NARS2: variants seen among roughly 807,000 people sequenced by gnomAD.
The protein encoded by NARS2 is asparaginyl-tRNA synthetase.
In NARS2, 60 loss-of-function variants were observed where a neutral mutation model predicts 62.9. The ratio of observed to expected loss-of-function variants is 0.95; its 90% CI spans 0.77 to 1.18. The LOEUF is 1.18. Ranked by LOEUF, NARS2 falls within the 50% of genes most tolerant of loss-of-function variation. NARS2 has a pLI of 0.00. For missense variants in NARS2, 619 were observed against 576.4 expected, an observed-to-expected ratio of 1.07 and a Z score of -0.76; for synonymous variants, 196 against 200.0, an observed-to-expected ratio of 0.98 and a Z score of 0.17.
intron 5 of NARS2, among the ~76,000 whole-genome samples, chr11:78,552,343 A>G (rs1224061135): frequency 1.3e-5 from 2 of 152,206 alleles, no homozygotes; most frequent in Non-Finnish European, 2.9e-5. Context: ...TTATGGCTGC[A>G]TAATATTCTA....
At chr11:78,552,630 C>T (rs958327513) in intron 5 of NARS2, among the ~76,000 whole-genome samples, 1 of 152,156 alleles carries the variant, frequency 6.6e-6, no homozygotes, top group East Asian at 1.9e-4. Context: ...TTTGGTGAGG[C>T]TAATCAGAAA....
At chr11:78,443,613 C>T (rs369615231) in intron 12 of NARS2, 48 bp downstream of exon 12, 5 of 1,403,424 alleles carry the variant, frequency 3.6e-6, no homozygotes, top group Non-Finnish European at 5.0e-6. Flanking sequence ...CCTTTGAGCG[C>T]CTTATGCTCA....
At chr11:78,556,156 C>T (rs1856345262) in intron 5 of NARS2, among the ~76,000 whole-genome samples, 1 of 152,018 alleles carries the variant, frequency 6.6e-6, no homozygotes, top group Admixed American at 6.6e-5. Context: ...ATTGTCTATG[C>T]CTCATTTTAA....
intron 6 of NARS2, among the ~76,000 whole-genome samples, chr11:78,497,811 C>A (rs1293565712): frequency 6.6e-6 from 1 of 152,072 alleles, no homozygotes; most frequent in Admixed American, 6.6e-5. Context: ...GCAGCCTTCA[C>A]CATTTCAACA....
chr11:78,544,041 C>A (rs1470088855), intron 5 of NARS2, among the ~76,000 whole-genome samples: 19 of 43,050 alleles, frequency 4.4e-4, no homozygotes, highest in African/African-American at 7.6e-4. Context: ...AAAAAAAAAA[C>A]TCTCTCTCAC....
chr11:78,478,054 A>T (rs906743999), intron 9 of NARS2, among the ~76,000 whole-genome samples: 1 of 152,154 alleles, frequency 6.6e-6, no homozygotes, highest in East Asian at 1.9e-4. Flanking sequence ...CTGTTCCTGA[A>T]TTCTTGTCTT....
chr11:78,529,408 T>C (rs1861403324), intron 5 of NARS2, among the ~76,000 whole-genome samples: 1 of 152,206 alleles, frequency 6.6e-6, no homozygotes, highest in Non-Finnish European at 1.5e-5. Flanking sequence ...AAACACATTA[T>C]GAACTTTCAA....
intron 5 of NARS2, among the ~76,000 whole-genome samples, chr11:78,537,711 T>TCC (rs2135451197): frequency 6.6e-6 from 1 of 152,260 alleles, no homozygotes; most frequent in African/African-American, 2.4e-5. Context: ...TGAGGAAGGA[T>TCC]TGCTTGAGCA....
chr11:78,462,379 A>C (rs528352938), intron 11 of NARS2, among the ~76,000 whole-genome samples: 1 of 152,368 alleles, frequency 6.6e-6, no homozygotes, highest in Non-Finnish European at 1.5e-5. Flanking sequence ...AAAAAAGAGA[A>C]TATAAGAATC....
At chr11:78,483,340 G>A (rs188428217) in intron 7 of NARS2, among the ~76,000 whole-genome samples, 1 of 152,286 alleles carries the variant, frequency 6.6e-6, no homozygotes, top group East Asian at 1.9e-4. Flanking sequence ...AGACAAGGAT[G>A]CCCTCTCTCA....
chr11:78,493,799 T>G (rs1859935525), intron 6 of NARS2, among the ~76,000 whole-genome samples: 2 of 152,224 alleles, frequency 1.3e-5, no homozygotes, highest in South Asian at 4.1e-4. Context: ...CTGGGTGCAC[T>G]CTACTGCAGC....
intron 6 of NARS2, among the ~76,000 whole-genome samples, chr11:78,497,476 C>T (rs1017872275): frequency 6.6e-6 from 1 of 152,126 alleles, no homozygotes; most frequent in Non-Finnish European, 1.5e-5. Flanking sequence ...CAGCAACTTT[C>T]ACTACACCCT....
intron 7 of NARS2, among the ~76,000 whole-genome samples, chr11:78,483,689 G>A (rs575810219): frequency 5.1e-4 from 77 of 152,236 alleles, no homozygotes; most frequent in Admixed American, 9.2e-4. Flanking sequence ...CAAGGGATGT[G>A]AAGGACCTCT....
chr11:78,452,603 C>G (rs958796552), intron 11 of NARS2, among the ~76,000 whole-genome samples: 2 of 151,924 alleles, frequency 1.3e-5, no homozygotes, highest in Non-Finnish European at 2.9e-5. Context: ...CAGACAGGGT[C>G]TCAATTTGTT....
intron 9 of NARS2, 31 bp from the exon 10 acceptor site, chr11:78,469,344 A>G (rs1360361540): frequency 1.3e-6 from 2 of 1,545,338 alleles, no homozygotes; most frequent in Non-Finnish European, 1.8e-6. Context: ...AGCAGAGAAA[A>G]GTCAATACAA....
chr11:78,494,679 C>A (rs115432379), intron 6 of NARS2, among the ~76,000 whole-genome samples: 2,174 of 152,146 alleles, frequency 0.014, 54 homozygotes, highest in African/African-American at 0.05. Context: ...AAAAAATAAA[C>A]AGTAGGAACT....
chr11:78,440,721 T>C (rs900622964), intron 13 of NARS2, among the ~76,000 whole-genome samples: 3 of 150,928 alleles, frequency 2.0e-5, no homozygotes, highest in African/African-American at 7.3e-5. Flanking sequence ...TTAGTAGAGA[T>C]GGGGTTTCAC....
rs577229955 is a variant in NARS2 at position 78,459,674 on chromosome 11, C to T, written c.1164+6202G>A. 3.3e-5 allele frequency among the ~76,000 whole-genome samples: 5 copies of T among 152,326 alleles called. No homozygotes were observed. In the South Asian group the frequency reaches 8.3e-4, roughly 25 times the overall value. ...TCACTTTCTGCCATGACTGTGAGGC[C>T]TCCCCAGCCATGTGGAACTGTGAGT... is the stretch of plus-strand genomic sequence containing the variant. On this transcript the variant is annotated intron_variant, in intron 11 of 13. Transcript: ENST00000281038.
At chr11:78,460,204 C>G (rs1858339984) in intron 11 of NARS2, among the ~76,000 whole-genome samples, 1 of 151,684 alleles carries the variant, frequency 6.6e-6, no homozygotes, top group African/African-American at 2.4e-5. Flanking sequence ...AGGATTTTGG[C>G]TTTTATCCTA....
Sources: gnomAD v4.1 joint callset for allele counts (sites outside exome capture counted in the v4.1 genomes callset) on GRCh38, gnomAD v4.1.1 for gene constraint, MANE v1.5 for transcripts, NCBI Gene and HGNC (gene_info 2026-07-23, HGNC 2026-07-21) for gene names.